SLC4A4: variants seen among roughly 807,000 people sequenced by gnomAD.
The protein encoded by SLC4A4 is electrogenic sodium bicarbonate cotransporter 1.
Under a neutral mutation model 111.5 loss-of-function variants are expected in SLC4A4, and 27 were observed. The ratio of observed to expected loss-of-function variants is 0.24; its 90% CI spans 0.18 to 0.33. The LOEUF is 0.33. Among genes scored for constraint, SLC4A4 ranks in the 10% least tolerant of loss-of-function variants. The pLI, the probability that SLC4A4 is intolerant of heterozygous loss-of-function variation, is 1.00. For synonymous variants in SLC4A4, 443 were observed against 463.4 expected (o/e 0.96, Z 0.57); for missense variants, 909 against 1,315.5 (o/e 0.69, Z 4.78).
rs577630594 is a variant in SLC4A4, at chr4:71,280,403, G to A, written c.253+25004G>A. On this transcript the variant is annotated intron_variant, in intron 3 of 25. Coordinates refer to ENST00000264485, the MANE Select transcript of SLC4A4 (RefSeq NM_001098484.3). The stretch of plus-strand genomic sequence containing the variant: ...CTGTGCAAAAACTTTTCAGTTTGTT[G>A]TAGTCCCATGTATTTATTTTTGCTT... 3.3e-5 allele frequency among the ~76,000 whole-genome samples: 5 copies of A among 152,228 alleles called. No individual in the cohort carries two copies. The East Asian group carries it at 9.6e-4, about 29-fold the overall frequency.
chr4:71,301,269 G>A, intron 3 of SLC4A4: 1 of 250,592 alleles, frequency 4.0e-6, no homozygotes, highest in Non-Finnish European at 7.8e-6. Context: ...ATCAAGTTAT[G>A]GAGCCACCTC....
At chr4:71,386,341 T>G (rs1423587828) in intron 6 of SLC4A4, among the ~76,000 whole-genome samples, 1 of 152,148 alleles carries the variant, frequency 6.6e-6, no homozygotes, top group Non-Finnish European at 1.5e-5. Context: ...TGAAGAAATA[T>G]GTCCTTTATC....
intron 12 of SLC4A4, 147 bp from the exon 13 acceptor site, chr4:71,466,297 T>C: frequency 2.3e-6 from 2 of 867,926 alleles, no homozygotes; most frequent in Non-Finnish European, 3.6e-6. Context: ...AATATGCATA[T>C]GGGTAAAAGA....
chr4:71,186,633 T>A (rs1578563716), upstream of SLC4A4: 2 of 151,562 alleles, frequency 1.3e-5, no homozygotes, highest in South Asian at 2.1e-4. Flanking sequence ...CCGCCGCCGA[T>A]GCCCGGGCGG....
chr4:71,515,600 C>T (rs1324995367), intron 16 of SLC4A4, among the ~76,000 whole-genome samples: 1 of 152,238 alleles, frequency 6.6e-6, no homozygotes, highest in East Asian at 1.9e-4. Context: ...TATTGTATTG[C>T]ATTCCGTCTT....
intron 2 of SLC4A4, among the ~76,000 whole-genome samples, chr4:71,109,520 G>C (rs912710935): frequency 2.6e-5 from 4 of 151,752 alleles, no homozygotes; most frequent in Non-Finnish European, 5.9e-5. Flanking sequence ...TGGAGGACAG[G>C]GTCCTTTATT....
At chr4:71,283,656 A>T (rs532261831) in intron 3 of SLC4A4, among the ~76,000 whole-genome samples, 1 of 152,360 alleles carries the variant, frequency 6.6e-6, no homozygotes, top group African/African-American at 2.4e-5. Context: ...GCACTAGATC[A>T]TCAGATTGTA....
intron 3 of SLC4A4, among the ~76,000 whole-genome samples, chr4:71,334,906 C>A (rs1728311257): frequency 6.6e-6 from 1 of 152,104 alleles, no homozygotes; most frequent in African/African-American, 2.4e-5. Flanking sequence ...AGGCAGGAGA[C>A]CAATTTATTT....
At chr4:71,327,691 T>A (rs1727614060) in intron 3 of SLC4A4, among the ~76,000 whole-genome samples, 1 of 152,022 alleles carries the variant, frequency 6.6e-6, no homozygotes, top group Non-Finnish European at 1.5e-5. Context: ...CTTTTTATTT[T>A]TTATTTTTAT....
intron 3 of SLC4A4, among the ~76,000 whole-genome samples, chr4:71,256,916 T>A (rs1486698469): frequency 2.0e-5 from 3 of 152,206 alleles, no homozygotes; most frequent in African/African-American, 2.4e-5. Context: ...TTGTCTTTCA[T>A]TCTTCAGATT....
At chr4:71,150,822 C>T (rs994890452) in intron 2 of SLC4A4, among the ~76,000 whole-genome samples, 5 of 152,048 alleles carry the variant, frequency 3.3e-5, no homozygotes, top group Non-Finnish European at 5.9e-5. Flanking sequence ...TTTCCATTAG[C>T]TCTCTGCATT....
chr4:71,462,153 G>T (rs777955551), intron 12 of SLC4A4, among the ~76,000 whole-genome samples: 17 of 152,168 alleles, frequency 1.1e-4, no homozygotes, highest in Non-Finnish European at 2.5e-4. Context: ...CCAAGGAAAA[G>T]AAATCAACAT....
intron 12 of SLC4A4, among the ~76,000 whole-genome samples, chr4:71,461,596 C>T (rs558838867): frequency 6.6e-6 from 1 of 152,232 alleles, no homozygotes; most frequent in South Asian, 2.1e-4. Context: ...GCAGCCCTTG[C>T]CCCAAGTTGC....
At chr4:71,122,627 T>A (rs879306062) in intron 2 of SLC4A4, among the ~76,000 whole-genome samples, 2 of 152,036 alleles carry the variant, frequency 1.3e-5, no homozygotes, top group Non-Finnish European at 2.9e-5. Context: ...TAAAACAGAC[T>A]GATTGTGTAA....
At chr4:71,547,999 A>G (rs942485289) in intron 20 of SLC4A4, among the ~76,000 whole-genome samples, 2 of 151,902 alleles carry the variant, frequency 1.3e-5, no homozygotes, top group African/African-American at 4.8e-5. Flanking sequence ...TAGTAGTTTC[A>G]TGCAATTGAA....
At chr4:71,425,128 G>T (rs997530037) in intron 7 of SLC4A4, among the ~76,000 whole-genome samples, 5 of 152,062 alleles carry the variant, frequency 3.3e-5, no homozygotes, top group Non-Finnish European at 7.4e-5. Flanking sequence ...ATGTTGAGGT[G>T]TGTTTAAGAT....
chr4:71,169,062 C>A (rs568253456), intron 2 of SLC4A4, among the ~76,000 whole-genome samples: 1 of 151,700 alleles, frequency 6.6e-6, no homozygotes, highest in Non-Finnish European at 1.5e-5. Context: ...CTTGTTGCCC[C>A]GGCTGGAGTG....
intron 1 of SLC4A4, among the ~76,000 whole-genome samples, chr4:71,220,346 T>C (rs985660003): frequency 7.2e-5 from 11 of 152,212 alleles, no homozygotes; most frequent in Non-Finnish European, 1.5e-4. Flanking sequence ...AACAGTGTAG[T>C]ATAAACGTAA....
At chr4:71,415,126 A>G (rs1236020020) in intron 7 of SLC4A4, among the ~76,000 whole-genome samples, 1 of 152,210 alleles carries the variant, frequency 6.6e-6, no homozygotes, top group East Asian at 1.9e-4. Context: ...TTCTCAAGCT[A>G]AAATGCATGC....
Sources: gnomAD v4.1 joint callset for allele counts (sites outside exome capture counted in the v4.1 genomes callset) on GRCh38, gnomAD v4.1.1 for gene constraint, MANE v1.5 for transcripts, NCBI Gene and HGNC (gene_info 2026-07-23, HGNC 2026-07-21) for gene names.